MME: variants seen among roughly 807,000 people sequenced by gnomAD.
MME encodes the protein neprilysin.
Under a neutral mutation model 113.2 loss-of-function variants are expected in MME, and 98 were observed. The observed-to-expected ratio is 0.87, with a 90% CI of 0.74 to 1.02. The LOEUF is 1.02. Among genes scored for constraint, MME ranks in the 50% least tolerant of loss-of-function variants. The probability of loss-of-function intolerance (pLI) is 0.00; values close to 1 mark genes in which losing one functional copy is unlikely to be tolerated. For missense variants in MME, 836 were observed against 896.0 expected (o/e 0.93, Z 0.86); for synonymous variants, 292 against 300.6 (o/e 0.97, Z 0.30).
At chr3:155,130,236 A>T (rs1720033200) in intron 8 of MME, among the ~76,000 whole-genome samples, 1 of 152,366 alleles carries the variant, frequency 6.6e-6, no homozygotes, top group South Asian at 2.1e-4. Context: ...TGCCAATTAC[A>T]GGGCTCTGTG....
At chr3:155,152,469 T>C (rs979631037) in intron 16 of MME, among the ~76,000 whole-genome samples, 3 of 152,198 alleles carry the variant, frequency 2.0e-5, no homozygotes, top group Admixed American at 6.5e-5. Flanking sequence ...TCTTTATGAA[T>C]GTTTATGGGA....
chr3:155,170,116 G>C (rs1711756553), intron 20 of MME, among the ~76,000 whole-genome samples: 1 of 152,120 alleles, frequency 6.6e-6, no homozygotes, highest in South Asian at 2.1e-4. Flanking sequence ...CACGAACTCG[G>C]CTCACTGCAG....
In MME at chr3:155,138,204, A is replaced by T. The variant is rs1391498577; in HGVS notation, c.823A>T (p.Lys275Ter). The T allele has an allele frequency of 6.2e-6, 10 of 1,613,734 alleles. No homozygotes were observed. Among genetic ancestry groups the T allele is most frequent in the Non-Finnish European group, 8.5e-6 (10 of 1,179,742 alleles). ...AAACCAGCTTGCTTTGGAAATGAAT[A>T]AAGTTATGGAATTGGAAAAAGAAAT... ...DENQLALEMN[K>*]VMELEKEIAN... is the part of the protein sequence containing the mutation. The change falls in exon 9 of 23, where the codon AAA (lysine) becomes TAA (stop). Residue 275 changes from lysine to a stop codon, truncating the protein, a stop_gained. Transcript: ENST00000360490. LOFTEE classifies it high-confidence loss of function.
At chr3:155,055,031 A>G (rs1031049810) in intron 1 of MME, among the ~76,000 whole-genome samples, 1 of 152,208 alleles carries the variant, frequency 6.6e-6, no homozygotes, top group Non-Finnish European at 1.5e-5. Context: ...ATGGTAATAT[A>G]TCATGTGTTT....
chr3:155,138,045 T>C, intron 8 of MME, 57 bp from the exon 9 acceptor site: 1 of 1,582,930 alleles, frequency 6.3e-7, no homozygotes, highest in South Asian at 1.1e-5. Context: ...AAATTTTAAG[T>C]ACCATGATGA....
chr3:155,152,127 A>G (rs1273832835), intron 16 of MME, among the ~76,000 whole-genome samples: 1 of 152,020 alleles, frequency 6.6e-6, no homozygotes, highest in African/African-American at 2.4e-5. Context: ...TTCACCCTAC[A>G]CCTCACCATT....
At chr3:155,074,359 G>T (rs1006316358) in intron 1 of MME, among the ~76,000 whole-genome samples, 1 of 151,996 alleles carries the variant, frequency 6.6e-6, no homozygotes, top group African/African-American at 2.4e-5. Flanking sequence ...ATTGCATTCA[G>T]TTATAGGTTT....
At chr3:155,168,066 G>A (rs2108365409) in intron 18 of MME, among the ~76,000 whole-genome samples, 1 of 152,314 alleles carries the variant, frequency 6.6e-6, no homozygotes, top group Middle Eastern at 3.4e-3. Context: ...TGTGCTTGAA[G>A]TAGAGGGAAA....
chr3:155,031,156 A>G (rs1411919435), intron 1 of MME, among the ~76,000 whole-genome samples: 2 of 152,186 alleles, frequency 1.3e-5, no homozygotes, highest in African/African-American at 4.8e-5. Context: ...CATTTTACAG[A>G]CATGTTAAGC....
intron 16 of MME, 27 bp downstream of exon 16, chr3:155,148,680 ATC>A: frequency 6.7e-7 from 1 of 1,498,450 alleles, no homozygotes; most frequent in Non-Finnish European, 9.3e-7. Context: ...TTCTAATGTG[ATC>A]ATCTAGAAGC....
intron 1 of MME, among the ~76,000 whole-genome samples, chr3:155,064,225 G>T (rs1714309468): frequency 6.6e-6 from 1 of 152,080 alleles, no homozygotes; most frequent in Non-Finnish European, 1.5e-5. Context: ...GGAGGTGGAG[G>T]TTGCAGTGAG....
At chr3:155,087,579 C>T (rs1715875435) in intron 3 of MME, among the ~76,000 whole-genome samples, 1 of 152,172 alleles carries the variant, frequency 6.6e-6, no homozygotes, top group South Asian at 2.1e-4. Context: ...TATGCTCAGG[C>T]TGTCCTGTTT....
intron 16 of MME, among the ~76,000 whole-genome samples, chr3:155,150,378 A>G (rs185463832): frequency 6.8e-4 from 103 of 152,310 alleles, no homozygotes; most frequent in African/African-American, 2.5e-3. Flanking sequence ...TAGATAATCA[A>G]AAGCCAAAAG....
chr3:155,133,628 A>G (rs745600370), intron 8 of MME, among the ~76,000 whole-genome samples: 1 of 142,904 alleles, frequency 7.0e-6, no homozygotes, highest in Non-Finnish European at 1.5e-5. Context: ...TACACCATAT[A>G]TATGTATATA....
chr3:155,060,887 TTC>T (rs1461777771), intron 1 of MME, among the ~76,000 whole-genome samples: 1 of 151,708 alleles, frequency 6.6e-6, no homozygotes, highest in African/African-American at 2.4e-5. Context: ...TTTTGCTCTA[TTC>T]TCTTTCTCTT....
chr3:155,039,420 C>CA (rs1212791014), intron 1 of MME, among the ~76,000 whole-genome samples: 1 of 152,178 alleles, frequency 6.6e-6, no homozygotes, highest in Non-Finnish European at 1.5e-5. Flanking sequence ...GCAGTGGCAG[C>CA]ATTAGAGACC....
At chr3:155,047,498 C>T (rs542993153) in intron 1 of MME, among the ~76,000 whole-genome samples, 2 of 152,272 alleles carry the variant, frequency 1.3e-5, no homozygotes, top group African/African-American at 2.4e-5. Flanking sequence ...CATAATAGTA[C>T]TTATCACCTC....
intron 8 of MME, among the ~76,000 whole-genome samples, chr3:155,133,760 A>G (rs997136206): frequency 8.9e-5 from 13 of 146,678 alleles, no homozygotes; most frequent in Non-Finnish European, 1.5e-4. Flanking sequence ...ATATATGTGT[A>G]TATATATGGT....
chr3:155,147,074 T>G, intron 14 of MME, 70 bp from the exon 15 acceptor site: 1 of 979,284 alleles, frequency 1.0e-6, no homozygotes, highest in Non-Finnish European at 1.7e-6. Context: ...TTGCTAGTCA[T>G]GGGCAGATTA....
Sources: gnomAD v4.1 joint callset for allele counts (sites outside exome capture counted in the v4.1 genomes callset) on GRCh38, gnomAD v4.1.1 for gene constraint, MANE v1.5 for transcripts, NCBI Gene and HGNC (gene_info 2026-07-23, HGNC 2026-07-21) for gene names.